The following PTCHD4 variants were observed in gnomAD, a reference collection of about 807,000 sequenced individuals.
PTCHD4 encodes the protein patched domain containing 4, also known as patched domain-containing protein 4.
In PTCHD4, 33 loss-of-function variants were observed where a neutral mutation model predicts 58.1. The observed-to-expected ratio is 0.57, with a 90% confidence interval of 0.43 to 0.76. The LOEUF (loss-of-function observed/expected upper bound fraction) is 0.76. Ranked by LOEUF, PTCHD4 falls within the 30% of genes least tolerant of loss-of-function variation. The pLI is 0.00. For synonymous variants in PTCHD4, 478 were observed against 409.6 expected (o/e 1.17, Z -2.02); for missense variants, 1,058 against 1,027.1 (o/e 1.03, Z -0.41).
chr6:47,986,803 G>A (rs539981343), intron 4 of PTCHD4, among the ~76,000 whole-genome samples: 1 of 152,130 alleles, frequency 6.6e-6, no homozygotes, highest in Admixed American at 6.5e-5. Context: ...CATACATCAA[G>A]TTGTAGAATA....
At chr6:48,090,708 A>G (rs1392092663) in intron 1 of PTCHD4, among the ~76,000 whole-genome samples, 1 of 152,182 alleles carries the variant, frequency 6.6e-6, no homozygotes, top group Non-Finnish European at 1.5e-5. Flanking sequence ...AATACATCAT[A>G]ATGTAGAATG....
At chr6:47,980,983 C>T (rs1339761004) in intron 4 of PTCHD4, among the ~76,000 whole-genome samples, 1 of 151,928 alleles carries the variant, frequency 6.6e-6, no homozygotes, top group Non-Finnish European at 1.5e-5. Context: ...TTTGATTCTT[C>T]TTTTTATGAC....
chr6:47,933,623 G>A (rs1561964718), intron 4 of PTCHD4, among the ~76,000 whole-genome samples: 1 of 152,126 alleles, frequency 6.6e-6, no homozygotes, highest in Non-Finnish European at 1.5e-5. Context: ...CTAGTAGGTA[G>A]GGCAGTAAGA....
chr6:47,989,523 A>C (rs1768204107), intron 4 of PTCHD4, among the ~76,000 whole-genome samples: 1 of 152,164 alleles, frequency 6.6e-6, no homozygotes, highest in South Asian at 2.1e-4. Context: ...TGTGAAGTCT[A>C]GGTACTTGGT....
At chr6:48,090,443 C>T (rs1765342295) in intron 1 of PTCHD4, among the ~76,000 whole-genome samples, 1 of 152,210 alleles carries the variant, frequency 6.6e-6, no homozygotes, top group Middle Eastern at 3.4e-3. Flanking sequence ...TTCTAATGCT[C>T]ACAACAACAC....
intron 3 of PTCHD4, 66 bp from the exon 4 acceptor site, chr6:48,009,180 T>A (rs747164644): frequency 1.6e-4 from 229 of 1,475,902 alleles, no homozygotes; most frequent in Non-Finnish European, 2.0e-4. Flanking sequence ...ATTCTTACTC[T>A]AAGTGAAGGA....
Position 47,878,948 on chromosome 6 carries a change from T to A in PTCHD4, c.1887A>T (p.Leu629=). The change falls in exon 5 of 5, where the codon CTA becomes CTT. Residue 629 remains leucine (L), a synonymous_variant. Transcript: ENST00000339488. ...ITEVLEKLRP[L]SLSKSIRFIV... is the part of the protein sequence containing the mutation. The stretch of plus-strand genomic sequence containing the variant: ...TGAATCGGATGCTCTTTGAGAGGGA[T>A]AGGGGCCTCAGCTTTTCCAACACTT... 6.2e-7 allele frequency: 1 copy of A among 1,613,102 alleles called. No individual in the cohort carries two copies. Among genetic ancestry groups the A allele is most frequent in the Non-Finnish European group, 8.5e-7 (1 of 1,179,748 alleles).
chr6:48,072,087 T>C (rs1018301697), intron 1 of PTCHD4, among the ~76,000 whole-genome samples: 1 of 152,192 alleles, frequency 6.6e-6, no homozygotes, highest in African/African-American at 2.4e-5. Context: ...AAGTTAATCT[T>C]TTTACTATCC....
intron 4 of PTCHD4, among the ~76,000 whole-genome samples, chr6:47,932,226 C>T (rs1482381990): frequency 6.6e-6 from 1 of 152,186 alleles, no homozygotes; most frequent in Non-Finnish European, 1.5e-5. Context: ...AGTAATCTAT[C>T]CTCACTTGGT....
At chr6:47,891,720 C>A (rs765689389) in intron 4 of PTCHD4, among the ~76,000 whole-genome samples, 1 of 152,050 alleles carries the variant, frequency 6.6e-6, no homozygotes, top group African/African-American at 2.4e-5. Context: ...CATTTTAATA[C>A]CTTCTTCCTA....
intron 1 of PTCHD4, among the ~76,000 whole-genome samples, chr6:48,075,300 A>G (rs1765042331): frequency 6.6e-6 from 1 of 152,216 alleles, no homozygotes; most frequent in Non-Finnish European, 1.5e-5. Context: ...AACAGTGTAA[A>G]AAGAAAGCCT....
At chr6:48,026,464 A>G (rs1482500184) in intron 3 of PTCHD4, among the ~76,000 whole-genome samples, 3 of 151,968 alleles carry the variant, frequency 2.0e-5, no homozygotes, top group Non-Finnish European at 4.4e-5. Context: ...TCATTCTTCT[A>G]TGTCCTTTCC....
intron 4 of PTCHD4, chr6:47,901,970 T>G (rs1413278882): frequency 8.1e-7 from 1 of 1,233,414 alleles, no homozygotes; most frequent in Non-Finnish European, 1.1e-6. Flanking sequence ...GTAACAAGAG[T>G]TATGTTATAT....
Position 47,879,535 on chromosome 6 carries a change from C to T in PTCHD4, c.1300G>A (p.Glu434Lys), listed in dbSNP as rs1282173901. 1.2e-6 allele frequency: 2 copies of T among 1,613,768 alleles called. No homozygotes were observed. Among genetic ancestry groups the T allele is most frequent in the Admixed American group, 1.7e-5 (1 of 59,978 alleles). ...AAGTGGTGCTGGTAGGGGTTCGTCT[C>T]ATGATGGGACGTCTGTTGATGCCCA... ...SDGHQQTSHH[E>K]TNPYQHHFIQ... The change falls in exon 5 of 5, where the codon GAG (glutamate) becomes AAG (lysine). Residue 434 changes from glutamate to lysine, a missense_variant. By Grantham distance (56) the Glu-to-Lys change is moderately conservative. Coordinates refer to ENST00000339488, the MANE Select transcript of PTCHD4 (RefSeq NM_001384253.1).
chr6:48,014,729 A>G (rs1762808818), intron 3 of PTCHD4, among the ~76,000 whole-genome samples: 1 of 152,142 alleles, frequency 6.6e-6, no homozygotes, highest in Non-Finnish European at 1.5e-5. Context: ...TTAATGGATT[A>G]TTTGTATAAT....
intron 1 of PTCHD4, among the ~76,000 whole-genome samples, chr6:48,082,187 G>A (rs762982445): frequency 6.6e-5 from 10 of 152,172 alleles, no homozygotes; most frequent in Admixed American, 3.3e-4. Flanking sequence ...ATTTTCTTCT[G>A]TAGCCAGCAG....
chr6:47,886,698 C>T (rs1392596171), intron 4 of PTCHD4, among the ~76,000 whole-genome samples: 1 of 152,096 alleles, frequency 6.6e-6, no homozygotes, highest in Non-Finnish European at 1.5e-5. Context: ...AAAGCAGATG[C>T]AAAAAAGTCT....
At chr6:48,055,434 G>A (rs773539835) in intron 3 of PTCHD4, among the ~76,000 whole-genome samples, 1 of 152,098 alleles carries the variant, frequency 6.6e-6, no homozygotes, top group Admixed American at 6.5e-5. Flanking sequence ...AGGAAGATGA[G>A]TAAGATAATA....
At chr6:47,990,741 C>A (rs1200288418) in intron 4 of PTCHD4, among the ~76,000 whole-genome samples, 1 of 151,972 alleles carries the variant, frequency 6.6e-6, no homozygotes, top group Non-Finnish European at 1.5e-5. Context: ...GTGTGCTTAC[C>A]TTAATAAAAA....
Sources: gnomAD v4.1 joint callset for allele counts (sites outside exome capture counted in the v4.1 genomes callset) on GRCh38, gnomAD v4.1.1 for gene constraint, MANE v1.5 for transcripts, NCBI Gene and HGNC (gene_info 2026-07-23, HGNC 2026-07-21) for gene names.